CAMTA1: variants seen among roughly 807,000 people sequenced by gnomAD.
The protein encoded by CAMTA1 is calmodulin-binding transcription activator 1.
CAMTA1 carries 27 observed loss-of-function variants against 170.9 expected under a neutral mutation model. That is an observed-to-expected ratio of 0.16 (90% confidence interval 0.12 to 0.22). CAMTA1 has a LOEUF of 0.22. Among genes scored for constraint, CAMTA1 ranks in the 10% least tolerant of loss-of-function variants. CAMTA1 has a pLI of 1.00. For synonymous variants in CAMTA1, 833 were observed against 891.5 expected (o/e 0.93, Z 1.17); for missense variants, 1,619 against 2,217.2 (o/e 0.73, Z 5.42).
chr1:6,914,101 T>TG (rs1680262746), intron 3 of CAMTA1, among the ~76,000 whole-genome samples: 2 of 119,098 alleles, frequency 1.7e-5, no homozygotes, highest in African/African-American at 2.8e-5. Context: ...AGGGCTCATC[T>TG]CTTTTTTTTT....
At position 7,534,559 on chromosome 1, in the gene CAMTA1, C is replaced by A. The variant is rs2094527315; in HGVS notation, c.510+66658C>A. On this transcript the variant is annotated intron_variant, in intron 6 of 22. Coordinates refer to ENST00000303635, the MANE Select transcript of CAMTA1 (RefSeq NM_015215.4). This position sits in a 1 kb window ranked among gnomAD's most constrained non-coding sequence, Gnocchi z 5.6. Reference sequence around the variant, plus strand: ...CTGTGGGGTGGCACTACCTGCTCCCCACCTCCCCGGCCAGCCCACACCCTC... The same window carrying A: ...CTGTGGGGTGGCACTACCTGCTCCCAACCTCCCCGGCCAGCCCACACCCTC... 1.3e-5 allele frequency among the ~76,000 whole-genome samples: 2 copies of A among 152,206 alleles called. No homozygotes were observed. The highest frequency in any genetic ancestry group is 1.3e-4 in the Admixed American group (2 of 15,288).
chr1:7,019,617 C>T (rs1326044356), intron 3 of CAMTA1, among the ~76,000 whole-genome samples: 2 of 152,312 alleles, frequency 1.3e-5, no homozygotes, highest in East Asian at 3.9e-4. Flanking sequence ...CGTTAGAGGA[C>T]AGGAGATCAG....
chr1:7,424,370 G>C (rs1429944318), intron 5 of CAMTA1, among the ~76,000 whole-genome samples: 2 of 146,072 alleles, frequency 1.4e-5, no homozygotes, highest in Admixed American at 7.3e-5. Context: ...CCAGATCTTG[G>C]AAATATCATT....
chr1:6,937,890 C>T (rs978871916), intron 3 of CAMTA1, among the ~76,000 whole-genome samples: 1 of 152,228 alleles, frequency 6.6e-6, no homozygotes, highest in Non-Finnish European at 1.5e-5. Context: ...AAACCACCAC[C>T]ATCATCACCA....
At chr1:7,060,922 G>T (rs1055864846) in intron 3 of CAMTA1, among the ~76,000 whole-genome samples, 1 of 152,186 alleles carries the variant, frequency 6.6e-6, no homozygotes, top group Non-Finnish European at 1.5e-5. Flanking sequence ...TTTTGGAACC[G>T]ACTGGAGCGT....
At chr1:7,166,832 A>G (rs1298282080) in intron 4 of CAMTA1, among the ~76,000 whole-genome samples, 2 of 148,208 alleles carry the variant, frequency 1.3e-5, no homozygotes, top group African/African-American at 2.5e-5. Context: ...TTAAATTGAG[A>G]TGGAGTCTCA....
At chr1:6,830,919 CG>C (rs1366155004) in intron 3 of CAMTA1, among the ~76,000 whole-genome samples, 3 of 151,916 alleles carry the variant, frequency 2.0e-5, no homozygotes, top group Admixed American at 2.0e-4. Flanking sequence ...CCCAAGTTCA[CG>C]CTGTTCTCCT....
intron 11 of CAMTA1, among the ~76,000 whole-genome samples, chr1:7,706,787 A>C (rs572620065): frequency 6.6e-6 from 1 of 152,346 alleles, no homozygotes; most frequent in South Asian, 2.1e-4. Flanking sequence ...CTCAAATGGA[A>C]ATACAGTATT....
At chr1:6,821,460 A>G (rs147686006) in intron 2 of CAMTA1, among the ~76,000 whole-genome samples, 4 of 152,312 alleles carry the variant, frequency 2.6e-5, no homozygotes, top group African/African-American at 9.6e-5. Context: ...TTAGAGCTAA[A>G]CAGAAAATTG....
At chr1:7,569,696 T>A (rs1441913035) in intron 6 of CAMTA1, among the ~76,000 whole-genome samples, 1 of 151,208 alleles carries the variant, frequency 6.6e-6, no homozygotes, top group Non-Finnish European at 1.5e-5. Flanking sequence ...TTCTCCAACA[T>A]CACCATCATC....
chr1:7,684,567 A>G (rs964083294), intron 11 of CAMTA1, among the ~76,000 whole-genome samples: 6 of 152,186 alleles, frequency 3.9e-5, no homozygotes, highest in African/African-American at 1.4e-4. Context: ...GCTTGTGGCA[A>G]CAGAACCCCA....
chr1:7,358,899 T>G (rs2085333036), intron 5 of CAMTA1, among the ~76,000 whole-genome samples: 1 of 152,116 alleles, frequency 6.6e-6, no homozygotes, highest in Admixed American at 6.5e-5. Flanking sequence ...GGATCTCTGA[T>G]GGGCAGCAAG....
intron 4 of CAMTA1, among the ~76,000 whole-genome samples, chr1:7,166,732 TTTTCTTCA>T (rs1159920159): frequency 3.3e-5 from 5 of 152,172 alleles, no homozygotes; most frequent in African/African-American, 1.2e-4. Context: ...ATTACAACTG[TTTTCTTCA>T]TTTTGATACT....
chr1:6,883,854 AT>A lies in CAMTA1; in HGVS notation c.234+58648del, dbSNP rs1672338677. On this transcript the variant is annotated intron_variant, in intron 3 of 22. Coordinates refer to ENST00000303635, the MANE Select transcript of CAMTA1 (RefSeq NM_015215.4). The stretch of plus-strand genomic sequence containing the variant: ...TAATAGGTAAAAATAAAGGAAACTA[AT>A]TTTAATAATATATTGTAATATATTT... Among the ~76,000 whole-genome samples, 2 of 152,204 alleles carry A rather than the reference AT, an allele frequency of 1.3e-5. 1 individual carries two copies. The highest frequency in any genetic ancestry group is 4.1e-4 in the South Asian group (2 of 4,830).
chr1:7,194,827 G>A lies in CAMTA1; in HGVS notation c.303-54664G>A, dbSNP rs548546538. On this transcript the variant is annotated intron_variant, in intron 4 of 22. Coordinates refer to ENST00000303635, the MANE Select transcript of CAMTA1 (RefSeq NM_015215.4). Reference sequence around the variant, plus strand: ...GAGAAATATTGGGCTCTTCTCTTCTGCTAAGAGGCTTAGAATTCTGTGATT... The same window carrying A: ...GAGAAATATTGGGCTCTTCTCTTCTACTAAGAGGCTTAGAATTCTGTGATT... Among the ~76,000 whole-genome samples the A allele has an allele frequency of 2.4e-3, 371 of 152,320 alleles. 3 individuals carry two copies. The highest frequency in any genetic ancestry group is 8.2e-3 in the Admixed American group (125 of 15,300).
At chr1:7,421,341 A>G (rs1048347056) in intron 5 of CAMTA1, among the ~76,000 whole-genome samples, 3 of 151,814 alleles carry the variant, frequency 2.0e-5, no homozygotes, top group African/African-American at 7.3e-5. Flanking sequence ...TTTAGTAGAG[A>G]CGGGGTCTTG....
intron 4 of CAMTA1, among the ~76,000 whole-genome samples, chr1:7,187,338 T>C (rs1339116415): frequency 2.0e-5 from 3 of 152,208 alleles, no homozygotes; most frequent in Non-Finnish European, 2.9e-5. Flanking sequence ...CCAACTGCTG[T>C]TTCTCGGAAA....
chr1:6,887,992 C>T lies in CAMTA1; in HGVS notation c.234+62782C>T. The T allele has an allele frequency of 8.5e-7, 1 of 1,171,494 alleles. No homozygotes were observed. Among genetic ancestry groups the T allele is most frequent in the South Asian group, 2.3e-5 (1 of 43,754 alleles). The allele number at this position is 1,171,494 out of a possible 1,614,324, so 72.6% of individuals were successfully genotyped here. A position where few individuals can be genotyped will look rare whatever the true frequency, so the allele number is the denominator to read the frequency against. On this transcript the variant is annotated intron_variant, in intron 3 of 22. Transcript: ENST00000303635. This position sits in a 1 kb window ranked among gnomAD's most constrained non-coding sequence, Gnocchi z 4.1. ...CCTCCTGGTCCAGAGGCCTCCGTGA[C>T]CATCCATGATGCCACTCTGTCCCCT...
rs371303688 is a variant in CAMTA1, at chr1:7,313,390, G to A, written c.438+63764G>A. On this transcript the variant is annotated intron_variant, in intron 5 of 22. Transcript: ENST00000303635. ...CATTTTTCTGAACAGAAGCTTGTTG[G>A]TTTTGTGCCTCGGGGCATGTGCTCA... 2.3e-4 allele frequency among the ~76,000 whole-genome samples: 35 copies of A among 152,306 alleles called. No individual in the cohort carries two copies. The South Asian group carries it at 4.4e-3, about 19-fold the overall frequency.
Sources: gnomAD v4.1 joint callset for allele counts (sites outside exome capture counted in the v4.1 genomes callset) on GRCh38, gnomAD v4.1.1 for gene constraint, Gnocchi (gnomAD v3.1) non-coding constraint, MANE v1.5 for transcripts, NCBI Gene and HGNC (gene_info 2026-07-23, HGNC 2026-07-21) for gene names.